TENM2: variants seen among roughly 807,000 people sequenced by gnomAD.
TENM2 encodes the protein teneurin-2.
In TENM2, 52 loss-of-function variants were observed where a neutral mutation model predicts 245.2. The ratio of observed to expected loss-of-function variants is 0.21; its 90% CI spans 0.17 to 0.27. The LOEUF (loss-of-function observed/expected upper bound fraction) is 0.27, where lower values mean the gene tolerates loss of function less well. Ranked by LOEUF, TENM2 falls within the 10% of genes least tolerant of loss-of-function variation. The probability of loss-of-function intolerance (pLI) is 1.00; values close to 1 mark genes in which losing one functional copy is unlikely to be tolerated. For synonymous variants in TENM2, 1,363 were observed against 1,438.9 expected (o/e 0.95, Z 1.19); for missense variants, 3,046 against 3,666.8 (o/e 0.83, Z 4.37).
chr5:168,156,768 A>T (rs562123359), intron 12 of TENM2, among the ~76,000 whole-genome samples: 3 of 151,558 alleles, frequency 2.0e-5, no homozygotes, highest in Admixed American at 2.0e-4. Context: ...AAACTCTCTC[A>T]TTTCCACTCT....
At position 168,252,860 on chromosome 5, in the gene TENM2, C is replaced by A. The variant is rs1446720061; in HGVS notation, c.7432+4489C>A. Among the ~76,000 whole-genome samples the A allele has an allele frequency of 6.6e-5, 10 of 150,390 alleles. No homozygotes were observed. In the East Asian group the frequency reaches 1.8e-3, roughly 26 times the overall value. On this transcript the variant is annotated intron_variant, in intron 27 of 28. Coordinates refer to ENST00000518659, the Ensembl canonical transcript of TENM2. ...GAAACTCAGTCTCAAAAAAAAAAAA[C>A]AAAAAAGAAAAGAAAAGAGGCACTA... is the stretch of plus-strand genomic sequence containing the variant.
intron 3 of TENM2, among the ~76,000 whole-genome samples, chr5:167,885,028 C>T (rs1274539946): frequency 6.6e-6 from 1 of 152,124 alleles, no homozygotes; most frequent in South Asian, 2.1e-4. Context: ...TGCTTATTGC[C>T]TGTTTTTATA....
the TENM2 span, among the ~76,000 whole-genome samples, chr5:167,087,763 AGT>A: frequency 1.5e-4 from 23 of 151,836 alleles, no homozygotes; most frequent in Admixed American, 2.6e-4. Flanking sequence ...ATATTGGGAG[AGT>A]GTTTTTTATA....
chr5:167,804,118 A>G (rs1765977277), intron 2 of TENM2, among the ~76,000 whole-genome samples: 1 of 152,116 alleles, frequency 6.6e-6, no homozygotes, highest in Non-Finnish European at 1.5e-5. Context: ...TGAAATTCGA[A>G]GCATTTCTAG....
At chr5:167,417,237 A>G (rs991162989) in intron 2 of TENM2, among the ~76,000 whole-genome samples, 5 of 151,138 alleles carry the variant, frequency 3.3e-5, no homozygotes, top group Non-Finnish European at 7.4e-5. Context: ...GTTATTTTTG[A>G]CTCTCCTCCT....
At chr5:167,265,551 A>T in the TENM2 span, among the ~76,000 whole-genome samples, 15,028 of 151,978 alleles carry the variant, frequency 0.099, 880 homozygotes, top group East Asian at 0.25. Flanking sequence ...TGAAAATTTT[A>T]TTCTGAGGGC....
At chr5:167,424,189 A>G (rs6871562) in intron 2 of TENM2, among the ~76,000 whole-genome samples, 23,390 of 151,874 alleles carry the variant, frequency 0.15, 1,906 homozygotes, top group Non-Finnish European at 0.18. Flanking sequence ...TCCTTCAAGG[A>G]CCTATACAAT....
At chr5:167,044,431 ATG>A in the TENM2 span, among the ~76,000 whole-genome samples, 1 of 152,300 alleles carries the variant, frequency 6.6e-6, no homozygotes, top group Non-Finnish European at 1.5e-5. Context: ...GCATGCATCT[ATG>A]TGGTCATTGT....
intron 2 of TENM2, among the ~76,000 whole-genome samples, chr5:167,749,851 G>A (rs116654264): frequency 6.6e-6 from 1 of 152,160 alleles, no homozygotes; most frequent in Non-Finnish European, 1.5e-5. Flanking sequence ...TATAAACCAT[G>A]TATAGTTTAT....
rs1422696840 is a variant in TENM2, at chr5:168,064,922, T to C, written c.1515+2657T>C. 2.6e-5 allele frequency among the ~76,000 whole-genome samples: 4 copies of C among 152,240 alleles called. No homozygotes were observed. In the South Asian group the frequency reaches 6.2e-4, roughly 24 times the overall value. On this transcript the variant is annotated intron_variant, in intron 7 of 28. Transcript: ENST00000518659. ...TATTCTCACATTCATTCGCTGTCAT[T>C]ACATGCATTCATGTCCATTTGATGA... is the stretch of plus-strand genomic sequence containing the variant.
chr5:167,272,719 G>A, the TENM2 span, among the ~76,000 whole-genome samples: 209 of 152,120 alleles, frequency 1.4e-3, no homozygotes, highest in Admixed American at 3.9e-3. Context: ...CAATTCACAC[G>A]GGCATTTGGA....
intron 2 of TENM2, among the ~76,000 whole-genome samples, chr5:167,813,548 A>AT (rs1037900918): frequency 1.3e-5 from 2 of 151,882 alleles, no homozygotes; most frequent in African/African-American, 2.4e-5. Context: ...CTGTGGCAGC[A>AT]TTTTTTTTCC....
At chr5:167,015,053 T>C in the TENM2 span, among the ~76,000 whole-genome samples, 3 of 152,338 alleles carry the variant, frequency 2.0e-5, 1 homozygote, top group Admixed American at 2.0e-4. Context: ...TGCAGTTTAC[T>C]GTTTATATAC....
the TENM2 span, among the ~76,000 whole-genome samples, chr5:167,157,965 C>G: frequency 6.6e-6 from 1 of 152,176 alleles, no homozygotes; most frequent in African/African-American, 2.4e-5. Flanking sequence ...GACAGCATTT[C>G]TACTCTCGTT....
intron 14 of TENM2, among the ~76,000 whole-genome samples, chr5:168,191,666 G>T (rs1256981769): frequency 6.6e-6 from 1 of 151,934 alleles, no homozygotes; most frequent in Admixed American, 6.6e-5. Flanking sequence ...ATTCAGGTAG[G>T]CCCAGGAGCA....
intron 5 of TENM2, among the ~76,000 whole-genome samples, chr5:167,996,294 G>A (rs1219289343): frequency 6.6e-6 from 1 of 151,912 alleles, no homozygotes; most frequent in Non-Finnish European, 1.5e-5. Flanking sequence ...CACAGCTGGG[G>A]TCAGAGAACT....
At chr5:167,059,437 A>T in the TENM2 span, among the ~76,000 whole-genome samples, 1 of 152,190 alleles carries the variant, frequency 6.6e-6, no homozygotes, top group Non-Finnish European at 1.5e-5. Flanking sequence ...GATATACTTA[A>T]CAGTTTTTCA....
the TENM2 span, among the ~76,000 whole-genome samples, chr5:166,988,900 T>G: frequency 6.6e-6 from 1 of 152,272 alleles, no homozygotes; most frequent in Non-Finnish European, 1.5e-5. Context: ...CTGGTTTGGC[T>G]TTGATATTGA....
At chr5:167,546,783 C>T (rs1391708242) in intron 2 of TENM2, among the ~76,000 whole-genome samples, 1 of 152,162 alleles carries the variant, frequency 6.6e-6, no homozygotes, top group Non-Finnish European at 1.5e-5. Context: ...GGCTTTCTTC[C>T]ATGCTCAAAA....
Sources: allele counts gnomAD v4.1 joint callset (sites outside exome capture counted in the v4.1 genomes callset), GRCh38; gene constraint gnomAD v4.1.1; transcripts MANE v1.5; gene names NCBI Gene and HGNC (gene_info 2026-07-23, HGNC 2026-07-21).